ANKFY1: variants seen among roughly 807,000 people sequenced by gnomAD.
The protein encoded by ANKFY1 is ankyrin repeat and FYVE domain-containing protein 1.
ANKFY1 carries 47 observed loss-of-function variants against 128.3 expected under a neutral mutation model. The ratio of observed to expected loss-of-function variants is 0.37; its 90% CI spans 0.29 to 0.47. The LOEUF is 0.47. Among genes scored for constraint, ANKFY1 ranks in the 20% least tolerant of loss-of-function variants. ANKFY1 has a pLI of 1.00. For synonymous variants in ANKFY1, 553 were observed against 601.6 expected (o/e 0.92, Z 1.18); for missense variants, 1,222 against 1,510.6 (o/e 0.81, Z 3.17).
At chr17:4,193,024 A>G (rs1001708992) in intron 10 of ANKFY1, among the ~76,000 whole-genome samples, 1 of 152,244 alleles carries the variant, frequency 6.6e-6, no homozygotes, top group African/African-American at 2.4e-5. Context: ...AGCAAGAAAA[A>G]TGGACAAAAC....
intron 19 of ANKFY1, among the ~76,000 whole-genome samples, chr17:4,175,851 T>C (rs2059402880): frequency 6.6e-6 from 1 of 152,062 alleles, no homozygotes; most frequent in Non-Finnish European, 1.5e-5. Context: ...GGATGCAGCA[T>C]CAATTCAGAG....
intron 1 of ANKFY1, among the ~76,000 whole-genome samples, chr17:4,242,653 G>A (rs1200837816): frequency 6.6e-6 from 1 of 152,228 alleles, no homozygotes; most frequent in Non-Finnish European, 1.5e-5. Flanking sequence ...AAAACTTTGG[G>A]AGGCCAAAGC....
chr17:4,211,883 C>G (rs577115618), intron 4 of ANKFY1, among the ~76,000 whole-genome samples: 11 of 138,560 alleles, frequency 7.9e-5, no homozygotes, highest in South Asian at 7.0e-4. Context: ...GAGACTCTGT[C>G]TCAAAAAAAA....
chr17:4,232,550 A>T (rs9889825), intron 3 of ANKFY1, among the ~76,000 whole-genome samples: 1 of 152,218 alleles, frequency 6.6e-6, no homozygotes, highest in African/African-American at 2.4e-5. Flanking sequence ...AAAACCATTT[A>T]CTTTGAAGCG....
intron 1 of ANKFY1, chr17:4,263,483 A>AC: frequency 5.5e-4 from 380 of 694,660 alleles, no homozygotes; most frequent in Non-Finnish European, 6.4e-4. Context: ...ACCCCACCTC[A>AC]CCCCAACCCA....
rs191996603 is a variant in ANKFY1, at chr17:4,172,464, G to A, written c.3139+92C>T. 5,137 of 1,518,806 alleles carry A rather than the reference G, an allele frequency of 3.4e-3. 14 individuals are homozygous for A. Among genetic ancestry groups the A allele is most frequent in the Non-Finnish European group, 3.4e-3 (3,829 of 1,127,564 alleles). The allele number at this position is 1,518,806 out of a possible 1,614,324, so 94.1% of individuals were successfully genotyped here. A position where few individuals can be genotyped will look rare whatever the true frequency, so the allele number is the denominator to read the frequency against. Reference sequence around the variant, plus strand: ...AACAGAACTGTTCTGCGAGCTGAACGCCCTCAGATAACGACGTGTGCCTGG... The same window carrying A: ...AACAGAACTGTTCTGCGAGCTGAACACCCTCAGATAACGACGTGTGCCTGG... On this transcript the variant is annotated intron_variant, in intron 22 of 24. Coordinates refer to ENST00000341657, the MANE Select transcript of ANKFY1 (RefSeq NM_001330063.2).
intron 19 of ANKFY1, among the ~76,000 whole-genome samples, chr17:4,175,104 G>A (rs1379427068): frequency 1.3e-5 from 2 of 150,820 alleles, no homozygotes; most frequent in Non-Finnish European, 3.0e-5. Context: ...AGACTGAGGC[G>A]GGCGGATTGC....
chr17:4,189,601 A>G lies in ANKFY1; in HGVS notation c.1373-122T>C, dbSNP rs28647996. ...AGCCCACGCCAGACAGTAGGCCCAC[A>G]CCAGACAGTAGGCCCACGCCAGACA... On this transcript the variant is annotated intron_variant, in intron 10 of 24. Transcript: ENST00000341657. 1.1e-3 allele frequency: 889 copies of G among 793,514 alleles called. 2 individuals carry two copies. The highest frequency in any genetic ancestry group is 1.2e-3 in the African/African-American group (54 of 46,384). 49.2% of individuals were successfully genotyped at this position (793,514 alleles called of 1,614,324 possible). A position where few individuals can be genotyped will look rare whatever the true frequency, so the allele number is the denominator to read the frequency against.
At chr17:4,245,325 C>T (rs987116085) in intron 1 of ANKFY1, among the ~76,000 whole-genome samples, 8 of 152,118 alleles carry the variant, frequency 5.3e-5, no homozygotes, top group Admixed American at 2.0e-4. Context: ...CCCACCTCAG[C>T]CTCGAGAGTA....
Position 4,169,378 on chromosome 17 carries a change from T to A in ANKFY1, c.3287-90A>T. The A allele has an allele frequency of 1.0e-6, 1 of 961,624 alleles. No homozygotes were observed. The highest frequency in any genetic ancestry group is 1.6e-6 in the Non-Finnish European group (1 of 622,874). The allele number at this position is 961,624 out of a possible 1,614,324, so 59.6% of individuals were successfully genotyped here. A position where few individuals can be genotyped will look rare whatever the true frequency, so the allele number is the denominator to read the frequency against. On this transcript the variant is annotated intron_variant, in intron 23 of 24. Coordinates refer to ENST00000341657, the MANE Select transcript of ANKFY1 (RefSeq NM_001330063.2). The surrounding 1 kb of genome is among the most constrained non-coding windows in gnomAD (Gnocchi z 5.0). ...TGGAGGCAGCAGGAACACAGACCCGTAAGTGAGGCAGCGCTGCCACATGAC... is the reference window on the plus strand; with the variant it reads ...TGGAGGCAGCAGGAACACAGACCCGAAAGTGAGGCAGCGCTGCCACATGAC...
rs1302717071 is a variant in ANKFY1, at chr17:4,169,104, C to T, written c.3377+94G>A. 8 of 1,196,226 alleles carry T rather than the reference C, an allele frequency of 6.7e-6. No individual in the cohort carries two copies. In the Admixed American group the frequency reaches 1.6e-4, roughly 24 times the overall value. The allele number at this position is 1,196,226 out of a possible 1,614,324, so 74.1% of individuals were successfully genotyped here. A position where few individuals can be genotyped will look rare whatever the true frequency, so the allele number is the denominator to read the frequency against. On this transcript the variant is annotated intron_variant, in intron 24 of 24. Coordinates refer to ENST00000341657, the MANE Select transcript of ANKFY1 (RefSeq NM_001330063.2). The surrounding 1 kb of genome is among the most constrained non-coding windows in gnomAD (Gnocchi z 5.0). ...AAGGTTTGCCCATCAATGTGCAGGA[C>T]CCAGGCAAGTTCACGGCCTGTCCTG...
At chr17:4,263,637 G>A (rs1233954544) in intron 1 of ANKFY1, 4 of 1,534,866 alleles carry the variant, frequency 2.6e-6, no homozygotes, top group Non-Finnish European at 1.7e-6. Context: ...AGAGCCTCCC[G>A]TGCTGCCCTC....
intron 7 of ANKFY1, among the ~76,000 whole-genome samples, chr17:4,202,155 C>T (rs1050096682): frequency 1.3e-5 from 2 of 152,074 alleles, no homozygotes; most frequent in East Asian, 3.9e-4. Context: ...GTAATCCCAG[C>T]ACTTTGGGAG....
rs558078041 is a variant in ANKFY1, at chr17:4,228,928, G to A, written c.322+6844C>T. On this transcript the variant is annotated intron_variant, in intron 3 of 24. Transcript: ENST00000341657. ...CCAAACTACCTAGGGTTCAAATCCC[G>A]GCTCCAATCCTTGCTAACTGTGTGG... 1.9e-4 allele frequency among the ~76,000 whole-genome samples: 29 copies of A among 152,196 alleles called. No homozygotes were observed. The Middle Eastern group carries it at 0.014, about 71-fold the overall frequency.
At chr17:4,245,524 G>A (rs1387200083) in intron 1 of ANKFY1, among the ~76,000 whole-genome samples, 2 of 151,208 alleles carry the variant, frequency 1.3e-5, no homozygotes, top group African/African-American at 4.9e-5. Context: ...AAGTTTTTTG[G>A]AGAGATGGGC....
chr17:4,165,895 C>T lies in ANKFY1; in HGVS notation c.*1884G>A, dbSNP rs971806232. 48 of 152,194 alleles carry T rather than the reference C, an allele frequency of 3.2e-4. 1 individual carries two copies. Among genetic ancestry groups the T allele is most frequent in the African/African-American group, 9.2e-4 (38 of 41,432 alleles). The allele number at this position is 152,194 out of a possible 1,614,324, so 9.4% of individuals were successfully genotyped here. A position where few individuals can be genotyped will look rare whatever the true frequency, so the allele number is the denominator to read the frequency against. On this transcript the variant is annotated 3_prime_UTR_variant, in exon 25 of 25. Coordinates refer to ENST00000341657, the MANE Select transcript of ANKFY1 (RefSeq NM_001330063.2). ...ATCCGAATCATGATTCTCTTACTTT[C>T]TAACTTAGGTAACCAAGCTACCTAA...
intron 7 of ANKFY1, among the ~76,000 whole-genome samples, chr17:4,200,986 A>T (rs1183889654): frequency 6.6e-6 from 1 of 152,118 alleles, no homozygotes; most frequent in Non-Finnish European, 1.5e-5. Context: ...TACAGGTTTC[A>T]TCTGGTTCTC....
intron 12 of ANKFY1, among the ~76,000 whole-genome samples, chr17:4,184,420 C>A (rs916473362): frequency 6.6e-6 from 1 of 152,224 alleles, no homozygotes; most frequent in Non-Finnish European, 1.5e-5. Flanking sequence ...AGGGAAACGG[C>A]CCTTCTGTCC....
intron 8 of ANKFY1, 34 bp from the exon 9 acceptor site, chr17:4,195,505 G>T: frequency 6.3e-7 from 1 of 1,580,006 alleles, no homozygotes; most frequent in South Asian, 1.1e-5. Flanking sequence ...GTCAGTTCAG[G>T]ACAGGCCTGT....
Sources: gnomAD v4.1 joint callset for allele counts (sites outside exome capture counted in the v4.1 genomes callset) on GRCh38, gnomAD v4.1.1 for gene constraint, Gnocchi (gnomAD v3.1) non-coding constraint, MANE v1.5 for transcripts, NCBI Gene and HGNC (gene_info 2026-07-23, HGNC 2026-07-21) for gene names.